The following EDIL3 variants were observed in gnomAD, a reference collection of about 807,000 sequenced individuals.
EDIL3 encodes EGF like and discoidin domains 3.
In EDIL3, 37 loss-of-function variants were observed where a neutral mutation model predicts 67.4. That is an observed-to-expected ratio of 0.55 (90% CI 0.42 to 0.72). The LOEUF (loss-of-function observed/expected upper bound fraction) is 0.72, where lower values mean the gene tolerates loss of function less well. Among genes scored for constraint, EDIL3 ranks in the 30% least tolerant of loss-of-function variants. The probability of loss-of-function intolerance (pLI) is 0.00; values close to 1 mark genes in which losing one functional copy is unlikely to be tolerated. For synonymous variants in EDIL3, 195 were observed against 196.3 expected (o/e 0.99, Z 0.05); for missense variants, 527 against 586.3 (o/e 0.90, Z 1.04).
At chr5:84,175,730 C>T (rs1460284883) in intron 4 of EDIL3, among the ~76,000 whole-genome samples, 1 of 152,152 alleles carries the variant, frequency 6.6e-6, no homozygotes, top group Non-Finnish European at 1.5e-5. Context: ...CCCCTCACAG[C>T]ATGGTTCCTC....
chr5:84,167,265 G>A (rs544031182), intron 4 of EDIL3, among the ~76,000 whole-genome samples: 1 of 152,112 alleles, frequency 6.6e-6, no homozygotes, highest in Admixed American at 6.6e-5. Flanking sequence ...GAGCATGCAG[G>A]AGACATTGAG....
At chr5:84,226,215 A>G (rs1348038522) in intron 3 of EDIL3, among the ~76,000 whole-genome samples, 1 of 151,764 alleles carries the variant, frequency 6.6e-6, no homozygotes, top group Non-Finnish European at 1.5e-5. Context: ...ATAACAGGAA[A>G]GAGACATAAG....
intron 1 of EDIL3, among the ~76,000 whole-genome samples, chr5:84,343,194 C>T (rs201839710): frequency 6.6e-6 from 1 of 151,778 alleles, no homozygotes; most frequent in East Asian, 1.9e-4. Flanking sequence ...AAATGTGCAC[C>T]TTCTTTAGCT....
intron 6 of EDIL3, among the ~76,000 whole-genome samples, chr5:84,074,408 T>G (rs192895712): frequency 2.0e-5 from 3 of 152,080 alleles, no homozygotes; most frequent in African/African-American, 7.2e-5. Context: ...AGAGTGAACA[T>G]TCAACCCACA....
At chr5:84,336,648 C>A (rs963395262) in intron 1 of EDIL3, among the ~76,000 whole-genome samples, 1 of 152,034 alleles carries the variant, frequency 6.6e-6, no homozygotes, top group African/African-American at 2.4e-5. Flanking sequence ...GAAGGTAATC[C>A]ATAATGAATT....
At chr5:84,211,196 G>A (rs547277837) in intron 3 of EDIL3, among the ~76,000 whole-genome samples, 2 of 152,200 alleles carry the variant, frequency 1.3e-5, no homozygotes, top group South Asian at 4.1e-4. Flanking sequence ...TGTCTGGGAT[G>A]TGGAAGCAGA....
intron 6 of EDIL3, among the ~76,000 whole-genome samples, chr5:84,073,245 G>A (rs1199849786): frequency 6.6e-6 from 1 of 152,120 alleles, no homozygotes; most frequent in Non-Finnish European, 1.5e-5. Context: ...ATATCATACT[G>A]AATGGGCAAA....
intron 6 of EDIL3, among the ~76,000 whole-genome samples, chr5:84,070,908 A>G (rs564218177): frequency 6.6e-6 from 1 of 152,282 alleles, no homozygotes; most frequent in African/African-American, 2.4e-5. Flanking sequence ...AAGGGCTCAT[A>G]AAGGTTATCA....
At chr5:84,058,982 C>A in intron 9 of EDIL3, among the ~76,000 whole-genome samples, 1 of 152,148 alleles carries the variant, frequency 6.6e-6, no homozygotes, top group Non-Finnish European at 1.5e-5. Flanking sequence ...TTACCTATAG[C>A]ATGTGCTAGC....
At chr5:84,307,048 G>A (rs1746287205) in intron 1 of EDIL3, among the ~76,000 whole-genome samples, 1 of 152,188 alleles carries the variant, frequency 6.6e-6, no homozygotes, top group South Asian at 2.1e-4. Flanking sequence ...GCTAGAGACA[G>A]AAAAGACATA....
chr5:84,180,080 C>T (rs1748988242), intron 4 of EDIL3, among the ~76,000 whole-genome samples: 1 of 151,292 alleles, frequency 6.6e-6, no homozygotes, highest in African/African-American at 2.4e-5. Flanking sequence ...AAGGATGTGG[C>T]TTTAGGACAA....
At chr5:84,054,347 A>G (rs1380969888) in intron 9 of EDIL3, among the ~76,000 whole-genome samples, 1 of 152,210 alleles carries the variant, frequency 6.6e-6, no homozygotes, top group Non-Finnish European at 1.5e-5. Flanking sequence ...CTCACAGCCA[A>G]TATCATACTG....
rs182705347 is a variant in EDIL3 at position 84,100,053 on chromosome 5, G to A, written c.651+6596C>T. Among the ~76,000 whole-genome samples, 487 of 152,050 alleles carry A rather than the reference G, an allele frequency of 3.2e-3. 4 individuals are homozygous for A. Among genetic ancestry groups the A allele is most frequent in the African/African-American group, 0.011 (460 of 41,504 alleles). On this transcript the variant is annotated intron_variant, in intron 6 of 10. Coordinates refer to ENST00000296591, the MANE Select transcript of EDIL3 (RefSeq NM_005711.5). ...ACCATCTCACACCAGTTAGAATGGC[G>A]ATCATTAAAAAGTCAGGAAACAACA... is the stretch of plus-strand genomic sequence containing the variant.
intron 7 of EDIL3, 75 bp from the exon 8 acceptor site, chr5:84,064,919 C>A: frequency 6.9e-7 from 1 of 1,446,838 alleles, no homozygotes; most frequent in Non-Finnish European, 9.2e-7. Context: ...CCTATCTATA[C>A]CTTATCGAAA....
Position 84,209,229 on chromosome 5 carries a change from G to A in EDIL3, c.226+20626C>T, listed in dbSNP as rs532981146. ...ATCACACTCTGGGGACTGTTGTGGG[G>A]TGGGGGGAGAGGGGAGGGATAGCAT... On this transcript the variant is annotated intron_variant, in intron 3 of 10. Transcript: ENST00000296591. Among the ~76,000 whole-genome samples the A allele has an allele frequency of 8.6e-5, 13 of 151,378 alleles. 1 individual carries two copies. The highest frequency in any genetic ancestry group is 8.5e-4 in the Admixed American group (13 of 15,244).
At chr5:84,214,787 G>A (rs753588200) in intron 3 of EDIL3, among the ~76,000 whole-genome samples, 16 of 151,452 alleles carry the variant, frequency 1.1e-4, no homozygotes, top group Non-Finnish European at 1.8e-4. Flanking sequence ...GTGCAATTTC[G>A]GCTTCACTGC....
chr5:84,106,030 A>G (rs958792491), intron 6 of EDIL3, among the ~76,000 whole-genome samples: 2 of 152,150 alleles, frequency 1.3e-5, no homozygotes, highest in Non-Finnish European at 2.9e-5. Context: ...TACTCCTAGT[A>G]CATAGTTCAT....
At chr5:84,135,221 G>A (rs972133625) in intron 5 of EDIL3, among the ~76,000 whole-genome samples, 1 of 152,044 alleles carries the variant, frequency 6.6e-6, no homozygotes, top group Non-Finnish European at 1.5e-5. Flanking sequence ...TCCTAGGCAG[G>A]GTTCTTATGA....
intron 6 of EDIL3, among the ~76,000 whole-genome samples, chr5:84,080,925 T>C (rs974286987): frequency 2.0e-5 from 3 of 152,234 alleles, no homozygotes; most frequent in Non-Finnish European, 4.4e-5. Context: ...ATCCTCCATG[T>C]TCTGAATGCT....
Sources: gnomAD v4.1 joint callset for allele counts (sites outside exome capture counted in the v4.1 genomes callset) on GRCh38, gnomAD v4.1.1 for gene constraint, MANE v1.5 for transcripts, NCBI Gene and HGNC (gene_info 2026-07-23, HGNC 2026-07-21) for gene names.